Variants in LEPR observed in about 807,000 individuals in gnomAD.
LEPR encodes the protein OB receptor.
A neutral mutation model predicts 114.7 loss-of-function variants in LEPR; 56 were observed. That is an observed-to-expected ratio of 0.49 (90% CI 0.39 to 0.61). The LOEUF (loss-of-function observed/expected upper bound fraction) is 0.61. Among genes scored for constraint, LEPR ranks in the 20% least tolerant of loss-of-function variants. The pLI is 0.00. For synonymous variants in LEPR, 443 were observed against 461.4 expected (o/e 0.96, Z 0.51); for missense variants, 1,202 against 1,352.9 (o/e 0.89, Z 1.75).
intron 5 of LEPR, among the ~76,000 whole-genome samples, chr1:65,575,257 G>GGGTT (rs1654501658): frequency 6.6e-5 from 10 of 151,890 alleles, no homozygotes; most frequent in African/African-American, 2.2e-4. Context: ...ATGGTTTGCA[G>GGGTT]AGTTCCAGCC....
chr1:65,564,762 G>A (rs10889562), intron 2 of LEPR, among the ~76,000 whole-genome samples: 34,361 of 152,010 alleles, frequency 0.23, 4,216 homozygotes, highest in South Asian at 0.29. Flanking sequence ...GCTGATTACC[G>A]GAAGAGCTTA....
chr1:65,512,095 A>G (rs1241302278), intron 2 of LEPR, among the ~76,000 whole-genome samples: 1 of 152,020 alleles, frequency 6.6e-6, no homozygotes, highest in Non-Finnish European at 1.5e-5. Flanking sequence ...GAAGGGGGAG[A>G]TGCTACACAC....
In LEPR at chr1:65,622,969, T is replaced by G; in HGVS notation, c.2661T>G (p.Leu887=). The G allele has an allele frequency of 6.2e-7, 1 of 1,613,992 alleles. No individual in the cohort carries two copies. The highest frequency in any genetic ancestry group is 8.5e-7 in the Non-Finnish European group (1 of 1,179,932). ...AGAATTGTTCCTGGGCACAAGGACT[T>G]AATTTTCAGAAGGTTGCTTTTTCAA... ...NPKNCSWAQG[L]NFQKPETFEH... The change falls in exon 19 of 20, where the codon CTT becomes CTG. Residue 887 remains leucine (L), a synonymous_variant. Transcript: ENST00000349533.
chr1:65,542,354 T>G (rs573995781), intron 2 of LEPR, among the ~76,000 whole-genome samples: 1 of 152,156 alleles, frequency 6.6e-6, no homozygotes, highest in Non-Finnish European at 1.5e-5. Flanking sequence ...TATTATATAC[T>G]TTAATTGATT....
At chr1:65,439,717 C>A (rs1646621941) in intron 2 of LEPR, among the ~76,000 whole-genome samples, 1 of 151,432 alleles carries the variant, frequency 6.6e-6, no homozygotes, top group African/African-American at 2.4e-5. Flanking sequence ...ACTCAGGAGG[C>A]TGAGGCAGGA....
At chr1:65,631,112 T>G (rs900612812) in intron 19 of LEPR, among the ~76,000 whole-genome samples, 1 of 151,982 alleles carries the variant, frequency 6.6e-6, no homozygotes, top group Non-Finnish European at 1.5e-5. Flanking sequence ...GTAGGCAGGG[T>G]TCTGGCCAGA....
Position 65,601,741 on chromosome 1 carries a change from C to T in LEPR, c.1285+59C>T, listed in dbSNP as rs951145701. The T allele has an allele frequency of 3.7e-6, 6 of 1,609,702 alleles. No individual in the cohort carries two copies. The Admixed American group carries it at 8.4e-5, about 22-fold the overall frequency. ...ACAACTTGAATTTTCATTATGGACC[C>T]TCCTTATATTAGAGTCCTGTTAAAG... On this transcript the variant is annotated intron_variant, in intron 9 of 19. Transcript: ENST00000349533.
chr1:65,635,353 C>G, intron 19 of LEPR: 1 of 984,626 alleles, frequency 1.0e-6, no homozygotes, highest in Non-Finnish European at 1.2e-6. Context: ...TTTTTGCCCA[C>G]AGATTCTTGA....
At chr1:65,456,649 G>A (rs1381986763) in intron 2 of LEPR, among the ~76,000 whole-genome samples, 3 of 152,112 alleles carry the variant, frequency 2.0e-5, no homozygotes, top group Non-Finnish European at 2.9e-5. Context: ...CTTTTGATTA[G>A]TGTTAGTATG....
At chr1:65,548,947 C>A (rs1188538056) in intron 2 of LEPR, among the ~76,000 whole-genome samples, 1 of 152,146 alleles carries the variant, frequency 6.6e-6, no homozygotes, top group Admixed American at 6.5e-5. Context: ...TGGCTGGTAC[C>A]AGTTGTTCCT....
chr1:65,541,762 C>T (rs1651206334), intron 2 of LEPR, among the ~76,000 whole-genome samples: 1 of 152,024 alleles, frequency 6.6e-6, no homozygotes, highest in African/African-American at 2.4e-5. Context: ...GCTTCTCTAA[C>T]AAAAAGTAAA....
intron 2 of LEPR, among the ~76,000 whole-genome samples, chr1:65,538,188 C>A (rs1418863271): frequency 6.6e-6 from 1 of 151,766 alleles, no homozygotes; most frequent in Admixed American, 6.6e-5. Flanking sequence ...TTGAAGTCCA[C>A]TGACTCATAT....
chr1:65,467,449 C>A (rs1045638013), intron 2 of LEPR, among the ~76,000 whole-genome samples: 1 of 152,108 alleles, frequency 6.6e-6, no homozygotes, highest in African/African-American at 2.4e-5. Flanking sequence ...TGTCTGTTGG[C>A]CCCTACTGGA....
At chr1:65,531,445 T>TTCTCC (rs1557643639) in intron 2 of LEPR, among the ~76,000 whole-genome samples, 3 of 151,692 alleles carry the variant, frequency 2.0e-5, no homozygotes, top group African/African-American at 4.8e-5. Flanking sequence ...CTTTCCTCTC[T>TTCTCC]TCTCCTCTCC....
At chr1:65,523,456 G>A (rs1570605986) in intron 2 of LEPR, among the ~76,000 whole-genome samples, 1 of 152,046 alleles carries the variant, frequency 6.6e-6, no homozygotes, top group South Asian at 2.1e-4. Context: ...GATTACAGGT[G>A]TGCACCACCA....
chr1:65,553,095 T>C (rs1341418360), intron 2 of LEPR, among the ~76,000 whole-genome samples: 2 of 152,250 alleles, frequency 1.3e-5, no homozygotes, highest in East Asian at 3.8e-4. Flanking sequence ...ACTGTTAGTC[T>C]GATGGGCTTC....
chr1:65,436,059 G>A (rs1646559032), intron 2 of LEPR: 3 of 984,596 alleles, frequency 3.0e-6, no homozygotes, highest in Non-Finnish European at 2.4e-6. Flanking sequence ...TTTACTTTGC[G>A]GTACGTTACA....
At chr1:65,585,502 C>A (rs183451527) in intron 5 of LEPR, among the ~76,000 whole-genome samples, 3 of 152,054 alleles carry the variant, frequency 2.0e-5, no homozygotes, top group Admixed American at 2.0e-4. Flanking sequence ...AGAATTATAT[C>A]TCTACCTTTT....
At chr1:65,517,085 T>C (rs1315297810) in intron 2 of LEPR, among the ~76,000 whole-genome samples, 1 of 152,254 alleles carries the variant, frequency 6.6e-6, no homozygotes. Flanking sequence ...AATGTCCTTT[T>C]ACCTCTACCA....
Sources: gnomAD v4.1 joint callset for allele counts (sites outside exome capture counted in the v4.1 genomes callset) on GRCh38, gnomAD v4.1.1 for gene constraint, MANE v1.5 for transcripts, NCBI Gene and HGNC (gene_info 2026-07-23, HGNC 2026-07-21) for gene names.